Variants in ESPNL observed in about 807,000 individuals in gnomAD.
ESPNL encodes espin-like protein.
A neutral mutation model predicts 46.8 loss-of-function variants in ESPNL; 49 were observed. The observed-to-expected ratio is 1.05, with a 90% CI of 0.83 to 1.33. The LOEUF (loss-of-function observed/expected upper bound fraction) is 1.33. ESPNL is among the 40% of genes most tolerant of loss of function. The pLI is 0.00. For synonymous variants in ESPNL, 664 were observed against 662.1 expected (o/e 1.00, Z -0.04); for missense variants, 1,540 against 1,436.6 (o/e 1.07, Z -1.16).
At position 238,102,058 on chromosome 2, in the gene ESPNL, G is replaced by T. The variant is rs1371772676; in HGVS notation, c.412G>T (p.Ala138Ser). 1 of 1,594,418 alleles carries T rather than the reference G, an allele frequency of 6.3e-7. No individual in the cohort carries two copies. Among genetic ancestry groups the T allele is most frequent in the Non-Finnish European group, 8.5e-7 (1 of 1,172,560 alleles). ...GGCCACGCTAGAGACCCGGGAGGGA[G>T]CCCGGCCGCTGCACCACGCTGCCGT... ...HSATLETREG[A>S]RPLHHAAVSG... The change falls in exon 2 of 9, where the codon GCC (alanine) becomes TCC (serine). Residue 138 changes from alanine to serine, a missense_variant. Physicochemically the swap from Ala to Ser is moderately conservative, Grantham distance 99. Transcript: ENST00000343063.
At position 238,100,565 on chromosome 2, in the gene ESPNL, T is replaced by C. The variant is rs750081454; in HGVS notation, c.146T>C (p.Leu49Pro). Residue 49 changes from leucine to proline, a missense_variant, in exon 1 of 9, where the codon CTG (leucine) becomes CCG (proline). Physicochemically the swap from Leu to Pro is moderately conservative, Grantham distance 98. Coordinates refer to ENST00000343063, the MANE Select transcript of ESPNL (RefSeq NM_194312.4). ...CACCACGCCACCCGGGCTGGCCACC[T>C]GGACTGCGTCAAGTTCTTGGTGCAG... ...LVHHATRAGH[L>P]DCVKFLVQRA... is the part of the protein sequence containing the mutation. The C allele has an allele frequency of 5.0e-6, 8 of 1,585,878 alleles. No homozygotes were observed. Among genetic ancestry groups the C allele is most frequent in the Non-Finnish European group, 6.8e-6 (8 of 1,168,556 alleles).
At position 238,132,876 on chromosome 2, in the gene ESPNL, G is replaced by C. The variant is rs772419665; in HGVS notation, c.*1144G>C. The C allele has an allele frequency of 6.6e-6, 1 of 152,364 alleles. No homozygotes were observed. The highest frequency in any genetic ancestry group is 1.9e-4 in the East Asian group (1 of 5,198). 9.4% of individuals were successfully genotyped at this position (152,364 alleles called of 1,614,324 possible). On this transcript the variant is annotated 3_prime_UTR_variant, in exon 9 of 9. Transcript: ENST00000343063. ...TGGCCCAGCAGGGAGTGGCAGGGAC[G>C]GGAGGCTTCAGGAATATTCCTCCTG...
At chr2:238,119,898 C>A (rs1290531126) in intron 5 of ESPNL, among the ~76,000 whole-genome samples, 1 of 152,126 alleles carries the variant, frequency 6.6e-6, no homozygotes, top group Admixed American at 6.5e-5. Context: ...CCCCTGGGGC[C>A]TGCTGGACAC....
In ESPNL at chr2:238,125,274, C is replaced by T. The variant is rs1692078323; in HGVS notation, c.992C>T (p.Pro331Leu). 1 of 1,501,242 alleles carries T rather than the reference C, an allele frequency of 6.7e-7. No homozygotes were observed. The highest frequency in any genetic ancestry group is 8.9e-7 in the Non-Finnish European group (1 of 1,117,376). 93.0% of individuals were successfully genotyped at this position (1,501,242 alleles called of 1,614,324 possible). A position where few individuals can be genotyped will look rare whatever the true frequency, so the allele number is the denominator to read the frequency against. The change falls in exon 6 of 9, where the codon CCC becomes CTC. Residue 331 changes from proline to leucine, a missense_variant. Coordinates refer to ENST00000343063, the MANE Select transcript of ESPNL (RefSeq NM_194312.4). ...ACCAGGCCCATTCACCCACAGGTGC[C>T]CCTGCTGATGACGCCCCCACCACCA... ...QYLREVAQPV[P>L]LLMTPPPPPF... is the part of the protein sequence containing the mutation.
intron 4 of ESPNL, among the ~76,000 whole-genome samples, chr2:238,109,056 G>GTCTAGGTC (rs1264573741): frequency 6.6e-6 from 1 of 152,098 alleles, no homozygotes; most frequent in Non-Finnish European, 1.5e-5. Context: ...CCCAGTCTCT[G>GTCTAGGTC]TCCCCAACCT....
At position 238,114,258 on chromosome 2, in the gene ESPNL, G is replaced by C. The variant is rs1359807311; in HGVS notation, c.856-2645G>C. ...CTCCCCATGGCTCTGTTCCTATCAG[G>C]GCTTTGCCCTCTCTCCCCAGCACCA... On this transcript the variant is annotated intron_variant, in intron 4 of 8. Transcript: ENST00000343063. The surrounding 1 kb of genome is among the most constrained non-coding windows in gnomAD (Gnocchi z 5.0). Among the ~76,000 whole-genome samples, 1 of 152,068 alleles carries C rather than the reference G, an allele frequency of 6.6e-6. No homozygotes were observed. Among genetic ancestry groups the C allele is most frequent in the Non-Finnish European group, 1.5e-5 (1 of 68,006 alleles).
chr2:238,131,827 C>T lies in ESPNL; in HGVS notation c.*95C>T. The T allele has an allele frequency of 7.3e-7, 1 of 1,376,030 alleles. No homozygotes were observed. Among genetic ancestry groups the T allele is most frequent in the South Asian group, 1.4e-5 (1 of 71,614 alleles). 85.2% of individuals were successfully genotyped at this position (1,376,030 alleles called of 1,614,324 possible). On this transcript the variant is annotated 3_prime_UTR_variant, in exon 9 of 9. Coordinates refer to ENST00000343063, the MANE Select transcript of ESPNL (RefSeq NM_194312.4). ...CTCACACCCTTGGTGTTCAGGTGAGCCGGGCAAGGCTGCCTCCAGTCCTAC... is the reference window on the plus strand; with the variant it reads ...CTCACACCCTTGGTGTTCAGGTGAGTCGGGCAAGGCTGCCTCCAGTCCTAC...
At chr2:238,129,295 T>C (rs1692223365) in intron 8 of ESPNL, 2 of 1,071,978 alleles carry the variant, frequency 1.9e-6, no homozygotes, top group Non-Finnish European at 2.3e-6. Context: ...GTTGGGGGAC[T>C]ATGATATATG....
intron 3 of ESPNL, 121 bp downstream of exon 3, chr2:238,104,963 A>C (rs1003995736): frequency 7.9e-6 from 7 of 888,382 alleles, no homozygotes; most frequent in Non-Finnish European, 9.6e-6. Flanking sequence ...CTGTTGGGGC[A>C]TCCGATGAGC....
intron 5 of ESPNL, among the ~76,000 whole-genome samples, chr2:238,117,510 G>A (rs1408599894): frequency 6.6e-6 from 1 of 152,230 alleles, no homozygotes; most frequent in East Asian, 1.9e-4. Flanking sequence ...GTCAGACTGA[G>A]GAGCCCCAGG....
chr2:238,104,006 C>T (rs1691540639), intron 2 of ESPNL, among the ~76,000 whole-genome samples: 1 of 152,188 alleles, frequency 6.6e-6, no homozygotes, highest in Non-Finnish European at 1.5e-5. Context: ...CTGGACTCTC[C>T]TCTGGGGTGG....
chr2:238,130,198 T>C lies in ESPNL; in HGVS notation c.1484T>C (p.Leu495Pro). ...WRYSQTHQAI[L>P]GPFGELLTED... is the part of the protein sequence containing the mutation. ...TACTCACAGACTCATCAGGCCATCC[T>C]GGGGCCCTTTGGGGAGCTGCTGACA... The change falls in exon 9 of 9, where the codon CTG (leucine) becomes CCG (proline). Residue 495 changes from leucine (L) to proline (P), a missense_variant. By Grantham distance (98) the Leu-to-Pro change is moderately conservative. Coordinates refer to ENST00000343063, the MANE Select transcript of ESPNL (RefSeq NM_194312.4). 6.2e-7 allele frequency: 1 copy of C among 1,612,418 alleles called. No individual in the cohort carries two copies.
At chr2:238,128,315 C>T (rs1040177512) in intron 7 of ESPNL, among the ~76,000 whole-genome samples, 1 of 152,244 alleles carries the variant, frequency 6.6e-6, no homozygotes, top group Non-Finnish European at 1.5e-5. Flanking sequence ...ACATTGAAGG[C>T]TCTGACAAGC....
At chr2:238,118,988 A>G (rs1691905021) in intron 5 of ESPNL, among the ~76,000 whole-genome samples, 1 of 122,468 alleles carries the variant, frequency 8.2e-6, no homozygotes, top group African/African-American at 3.3e-5. Flanking sequence ...TTAATGGAGG[A>G]GGAGTGGATG....
chr2:238,130,620 C>G lies in ESPNL; in HGVS notation c.1906C>G (p.Pro636Ala). ...CACCTGCAGGGAGGCCTCGGCCAGC[C>G]CCCCTCGGAGCGAGGCCCAGCGCCA... is the stretch of plus-strand genomic sequence containing the variant. ...QDTCREASAS[P>A]PRSEAQRQIQ... is the part of the protein sequence containing the mutation. Residue 636 changes from proline to alanine, a missense_variant, in exon 9 of 9, where the codon CCC becomes GCC. Transcript: ENST00000343063. 6.4e-7 allele frequency: 1 copy of G among 1,563,382 alleles called. No homozygotes were observed.
Position 238,100,710 on chromosome 2 carries a change from G to C in ESPNL, c.291G>C (p.Leu97=), listed in dbSNP as rs916717154. Residue 97 remains leucine (L), a synonymous_variant, in exon 1 of 9, where the codon CTG becomes CTC. Transcript: ENST00000343063. ...CWLVREGGCG[L]QDQDASGVSP... Reference sequence around the variant, plus strand: ...TGGTCCGCGAGGGGGGCTGCGGTCTGCAGGTGAGCGGGGATGGGGCAGCCT... The same window carrying C: ...TGGTCCGCGAGGGGGGCTGCGGTCTCCAGGTGAGCGGGGATGGGGCAGCCT... 2.8e-6 allele frequency: 4 copies of C among 1,417,720 alleles called. No individual in the cohort carries two copies. The highest frequency in any genetic ancestry group is 3.7e-6 in the Non-Finnish European group (4 of 1,095,722). The allele number at this position is 1,417,720 out of a possible 1,614,324, so 87.8% of individuals were successfully genotyped here. A position where few individuals can be genotyped will look rare whatever the true frequency, so the allele number is the denominator to read the frequency against.
rs1026065374 is a variant in ESPNL, at chr2:238,114,707, G to A, written c.856-2196G>A. 6.6e-6 allele frequency among the ~76,000 whole-genome samples: 1 copy of A among 152,182 alleles called. No homozygotes were observed. The highest frequency in any genetic ancestry group is 2.4e-5 in the African/African-American group (1 of 41,442). ...CGCCTGATTTTGTGTGGCCCCACAA[G>A]CTCAAAATAGTTTTTCCCTTTTTAA... On this transcript the variant is annotated intron_variant, in intron 4 of 8. Transcript: ENST00000343063. This position sits in a 1 kb window ranked among gnomAD's most constrained non-coding sequence, Gnocchi z 5.0.
chr2:238,126,815 CTG>C (rs769672204), intron 6 of ESPNL, among the ~76,000 whole-genome samples: 374 of 147,420 alleles, frequency 2.5e-3, no homozygotes, highest in African/African-American at 7.8e-3. Context: ...TGTTCTGTGT[CTG>C]TGTGTTTCTC....
chr2:238,123,128 T>G (rs1278787097), intron 5 of ESPNL, among the ~76,000 whole-genome samples: 2 of 152,128 alleles, frequency 1.3e-5, no homozygotes, highest in Non-Finnish European at 2.9e-5. Flanking sequence ...TGAGGACCGT[T>G]GAGTCTGGGG....
Sources: gnomAD v4.1 joint callset for allele counts (sites outside exome capture counted in the v4.1 genomes callset) on GRCh38, gnomAD v4.1.1 for gene constraint, Gnocchi (gnomAD v3.1) non-coding constraint, MANE v1.5 for transcripts, NCBI Gene and HGNC (gene_info 2026-07-23, HGNC 2026-07-21) for gene names.